Variants in CD209 observed in about 807,000 individuals in gnomAD.
The protein encoded by CD209 is CD209 molecule.
CD209 carries 31 observed loss-of-function variants against 44.7 expected under a neutral mutation model. The observed-to-expected ratio is 0.69, with a 90% CI of 0.52 to 0.94. CD209 has a LOEUF of 0.94. CD209 is among the 40% of genes least tolerant of loss of function. The pLI is 0.00. For synonymous variants in CD209, 173 were observed against 181.3 expected, an observed-to-expected ratio of 0.95 and a Z score of 0.37; for missense variants, 407 against 452.4, an observed-to-expected ratio of 0.90 and a Z score of 0.91.
chr19:7,741,705 T>A lies in CD209; in HGVS notation c.*1334A>T, dbSNP rs11465403. On this transcript the variant is annotated 3_prime_UTR_variant, in exon 7 of 7. Transcript: ENST00000315599. ...TGCCCAGTGGCTCGGTGGAAAATGA[T>A]GATTTGTGGTTTATTTGAAATACAA... 3.1e-3 allele frequency: 2,130 copies of A among 690,852 alleles called. 34 individuals carry two copies. The African/African-American group carries it at 0.032, about 10-fold the overall frequency. The allele number at this position is 690,852 out of a possible 1,614,324, so 42.8% of individuals were successfully genotyped here.
rs748765635 is a variant in CD209, at chr19:7,747,419, C to T, written c.46+47G>A. On this transcript the variant is annotated intron_variant, in intron 1 of 6. Coordinates refer to ENST00000315599, the MANE Select transcript of CD209 (RefSeq NM_021155.4). ...TGGGCAGGCTGAGGCCATGGCTGGC[C>T]ATCCCTTCCCCCTTCCCAGAATCCC... 52 of 1,614,110 alleles carry T rather than the reference C, an allele frequency of 3.2e-5. No homozygotes were observed. The Admixed American group carries it at 7.7e-4, about 24-fold the overall frequency.
At chr19:7,744,709 T>G (rs2033740774) in intron 5 of CD209, among the ~76,000 whole-genome samples, 1 of 152,272 alleles carries the variant, frequency 6.6e-6, no homozygotes, top group South Asian at 2.1e-4. Context: ...TCTTGCAGCA[T>G]GCTGCAGGGG....
chr19:7,745,908 G>T lies in CD209; in HGVS notation c.358C>A (p.Leu120Met), dbSNP rs368449315. 1.9e-6 allele frequency: 3 copies of T among 1,612,588 alleles called. No homozygotes were observed. Among genetic ancestry groups the T allele is most frequent in the African/African-American group, 1.3e-5 (1 of 74,446 alleles). ...GTCAGCTCCTGGTAGATCTCCTGCA[G>T]CTTAGATTTCTCTGGAAGCTCACCC... ...AVGELPEKSK[L>M]QEIYQELTRL... Residue 120 changes from leucine (L) to methionine (M), a missense_variant, in exon 4 of 7, where the codon CTG (leucine) becomes ATG (methionine). Around this residue, in one of 3 missense-constraint regions of CD209, gnomAD observed 85 missense variants for 139.9 expected, o/e 0.61. Coordinates refer to ENST00000315599, the MANE Select transcript of CD209 (RefSeq NM_021155.4).
chr19:7,742,585 G>A lies in CD209; in HGVS notation c.*454C>T, dbSNP rs565213456. The A allele has an allele frequency of 7.7e-5, 14 of 181,308 alleles. No homozygotes were observed. Among genetic ancestry groups the A allele is most frequent in the African/African-American group, 2.3e-4 (10 of 42,766 alleles). The allele number at this position is 181,308 out of a possible 1,614,324, so 11.2% of individuals were successfully genotyped here. ...CGTGGAGCCTCCATGCCCTCTCTGG[G>A]TGCCATTGGTTGACTGGGGGAATTA... On this transcript the variant is annotated 3_prime_UTR_variant, in exon 7 of 7. Coordinates refer to ENST00000315599, the MANE Select transcript of CD209 (RefSeq NM_021155.4).
rs2033799060 is a variant in CD209 at position 7,745,894 on chromosome 19, G to A, written c.372C>T (p.Tyr124=). Residue 124 remains tyrosine (Y), a synonymous_variant, in exon 4 of 7, where the codon TAC becomes TAT. Transcript: ENST00000315599. The part of the protein sequence containing the change: ...LPEKSKLQEI[Y]QELTRLKAAV... ...CAGCCTTCAGCCGGGTCAGCTCCTG[G>A]TAGATCTCCTGCAGCTTAGATTTCT... 6.2e-7 allele frequency: 1 copy of A among 1,613,402 alleles called. No homozygotes were observed. Among genetic ancestry groups the A allele is most frequent in the Admixed American group, 1.7e-5 (1 of 59,962 alleles).
At chr19:7,745,368 A>G (rs1187676576) in intron 4 of CD209, 150 bp downstream of exon 4, 41 of 1,451,284 alleles carry the variant, frequency 2.8e-5, no homozygotes, top group Non-Finnish European at 3.7e-6. Flanking sequence ...TACCTGGCCC[A>G]CTGTGAACAC....
chr19:7,747,474 C>G lies in CD209; in HGVS notation c.38G>C (p.Gly13Ala). 6.2e-7 allele frequency: 1 copy of G among 1,614,240 alleles called. No individual in the cohort carries two copies. Among genetic ancestry groups the G allele is most frequent in the South Asian group, 1.1e-5 (1 of 91,086 alleles). Residue 13 changes from glycine to alanine, a missense_variant, in exon 1 of 7, where the codon GGC (glycine) becomes GCC (alanine). Around this residue, in one of 3 missense-constraint regions of CD209, gnomAD observed 122 missense variants for 110.3 expected, o/e 1.11. Coordinates refer to ENST00000315599, the MANE Select transcript of CD209 (RefSeq NM_021155.4). Reference sequence around the variant, plus strand: ...TCCCAACCCAGCCTCACCCAGGAGGCCCAGCTGCTGCAGTCTTGGTTCCTT... The same window carrying G: ...TCCCAACCCAGCCTCACCCAGGAGGGCCAGCTGCTGCAGTCTTGGTTCCTT... ...DSKEPRLQQL[G>A]LLEEEQLRGL...
At chr19:7,746,300 C>T (rs564991658) in intron 3 of CD209, among the ~76,000 whole-genome samples, 160 bp downstream of exon 3, 11 of 152,180 alleles carry the variant, frequency 7.2e-5, no homozygotes, top group East Asian at 5.8e-4. Context: ...CCTGTCCTGC[C>T]CTAGAGTGGG....
At position 7,747,303 on chromosome 19, in the gene CD209, T is replaced by C. The variant is rs2033872270; in HGVS notation, c.106+3A>G. Reference sequence around the variant, plus strand: ...TCCTCCCAAACTGCTAAGTCCTCTCTACCTGCTAAGCTCTTGTATCCTCGA... The same window carrying C: ...TCCTCCCAAACTGCTAAGTCCTCTCCACCTGCTAAGCTCTTGTATCCTCGA... On this transcript the variant is annotated splice_donor_region_variant and intron_variant, in intron 2 of 6. Transcript: ENST00000315599. 6.2e-7 allele frequency: 1 copy of C among 1,614,092 alleles called. No homozygotes were observed. The highest frequency in any genetic ancestry group is 8.5e-7 in the Non-Finnish European group (1 of 1,180,034).
Position 7,741,636 on chromosome 19 carries a change from C to T in CD209, c.*1403G>A, listed in dbSNP as rs1393847817. On this transcript the variant is annotated 3_prime_UTR_variant, in exon 7 of 7. Transcript: ENST00000315599. ...GCCAAGCAGCTCTTTCTCTGTTTAA[C>T]GGACGATGGTATGTACGCAGGACGA... 3 of 893,578 alleles carry T rather than the reference C, an allele frequency of 3.4e-6. No homozygotes were observed. Among genetic ancestry groups the T allele is most frequent in the Admixed American group, 1.8e-5 (1 of 55,452 alleles). The allele number at this position is 893,578 out of a possible 1,614,324, so 55.4% of individuals were successfully genotyped here.
chr19:7,741,929 A>C lies in CD209; in HGVS notation c.*1110T>G. ...AAGAAATGGGGAATCCGAAAGGAAA[A>C]GGAAGAAATCTCACTAGCACATGTC... On this transcript the variant is annotated 3_prime_UTR_variant, in exon 7 of 7. Transcript: ENST00000315599. 2.4e-6 allele frequency: 1 copy of C among 421,618 alleles called. No homozygotes were observed. The highest frequency in any genetic ancestry group is 2.0e-5 in the South Asian group (1 of 49,178). The allele number at this position is 421,618 out of a possible 1,614,324, so 26.1% of individuals were successfully genotyped here. A position where few individuals can be genotyped will look rare whatever the true frequency, so the allele number is the denominator to read the frequency against.
chr19:7,743,311 A>T (rs554926524), intron 6 of CD209, 71 bp from the exon 7 acceptor site: 2 of 1,318,524 alleles, frequency 1.5e-6, no homozygotes, highest in Admixed American at 1.7e-5. Flanking sequence ...ACCTTCTGTC[A>T]TCTTGATGCC....
intron 4 of CD209, 140 bp from the exon 5 acceptor site, chr19:7,745,232 G>A (rs188932736): frequency 2.0e-5 from 25 of 1,227,040 alleles, no homozygotes; most frequent in South Asian, 6.0e-5. Context: ...CCCACTTCCC[G>A]AGACCCTCCC....
rs558214910 is a variant in CD209 at position 7,746,035 on chromosome 19, G to A, written c.231C>T (p.Ile77=). Residue 77 remains isoleucine, a synonymous_variant, in exon 4 of 7, where the codon ATC becomes ATT. Coordinates refer to ENST00000315599, the MANE Select transcript of CD209 (RefSeq NM_021155.4). ...ISQEQSRQDA[I]YQNLTQLKAA... is the part of the protein sequence containing the mutation. ...CTTTAAGCTGGGTCAGGTTCTGGTA[G>A]ATCGCGTCTTGCCTGGATTGTTCCT... 3.1e-6 allele frequency: 5 copies of A among 1,614,256 alleles called. No homozygotes were observed. The East Asian group carries it at 1.1e-4, about 36-fold the overall frequency.
At position 7,747,530 on chromosome 19, in the gene CD209, A is replaced by C; in HGVS notation, c.-19T>G. The C allele has an allele frequency of 6.2e-7, 1 of 1,613,978 alleles. No individual in the cohort carries two copies. Among genetic ancestry groups the C allele is most frequent in the Non-Finnish European group, 8.5e-7 (1 of 1,179,972 alleles). On this transcript the variant is annotated 5_prime_UTR_variant, in exon 1 of 7. Transcript: ENST00000315599. ...CACTCATGTCACCCCACTCTCCCCC[A>C]GTGTCCAGAACTCCTGGGGGCCACA...
chr19:7,745,284 C>T (rs1341026624), intron 4 of CD209, among the ~76,000 whole-genome samples, 192 bp from the exon 5 acceptor site: 1 of 152,192 alleles, frequency 6.6e-6, no homozygotes, highest in Non-Finnish European at 1.5e-5. Flanking sequence ...CCATCTCCTC[C>T]AGACTAGGAG....
rs933420718 is a variant in CD209 at position 7,744,656 on chromosome 19, C to T, written c.900+285G>A. On this transcript the variant is annotated intron_variant, in intron 5 of 6. Transcript: ENST00000315599. ...TTTACACCAGGGAAACTGGCAAACA[C>T]GACCCATCAGGACTTCTTCCTCCAG... 7.9e-5 allele frequency among the ~76,000 whole-genome samples: 12 copies of T among 152,354 alleles called. 1 individual carries two copies. The South Asian group carries it at 1.2e-3, about 16-fold the overall frequency.
Position 7,741,711 on chromosome 19 carries a change from G to A in CD209, c.*1328C>T. 2 of 686,958 alleles carry A rather than the reference G, an allele frequency of 2.9e-6. No homozygotes were observed. The highest frequency in any genetic ancestry group is 5.2e-6 in the Non-Finnish European group (2 of 381,606). The allele number at this position is 686,958 out of a possible 1,614,324, so 42.6% of individuals were successfully genotyped here. ...GTGGCTCGGTGGAAAATGATGATTTGTGGTTTATTTGAAATACAACAATGT... is the reference window on the plus strand; with the variant it reads ...GTGGCTCGGTGGAAAATGATGATTTATGGTTTATTTGAAATACAACAATGT... On this transcript the variant is annotated 3_prime_UTR_variant, in exon 7 of 7. Transcript: ENST00000315599.
chr19:7,743,050 G>C lies in CD209; in HGVS notation c.1204C>G (p.Pro402Ala), dbSNP rs201684036. 2.6e-5 allele frequency: 42 copies of C among 1,612,660 alleles called. No homozygotes were observed. The highest frequency in any genetic ancestry group is 1.3e-4 in the East Asian group (6 of 44,862). ...GGGGTGAAGTTCTGCTACGCAGGAG[G>C]GGGGTTTGGGGTGGCAGGGGCTGGA... Reference protein sequence around the residue: ...LSPAPATPNPPPA With the variant: ...LSPAPATPNPAPA The change falls in exon 7 of 7, where the codon CCT becomes GCT. Residue 402 changes from proline to alanine, a missense_variant. Coordinates refer to ENST00000315599, the MANE Select transcript of CD209 (RefSeq NM_021155.4).
Sources: allele counts gnomAD v4.1 joint callset (sites outside exome capture counted in the v4.1 genomes callset), GRCh38; gene constraint gnomAD v4.1.1; regional missense constraint gnomAD v4.1.1; transcripts MANE v1.5; gene names NCBI Gene and HGNC (gene_info 2026-07-23, HGNC 2026-07-21).